EBF1: variants seen among roughly 807,000 people sequenced by gnomAD.
EBF1 encodes the protein EBF transcription factor 1.
In EBF1, 10 loss-of-function variants were observed where a neutral mutation model predicts 68.4. That is an observed-to-expected ratio of 0.15 (90% CI 0.09 to 0.25). The LOEUF (loss-of-function observed/expected upper bound fraction) is 0.25. Among genes scored for constraint, EBF1 ranks in the 10% least tolerant of loss-of-function variants. The pLI, the probability that EBF1 is intolerant of heterozygous loss-of-function variation, is 1.00. For missense variants in EBF1, 509 were observed against 794.4 expected, an observed-to-expected ratio of 0.64 and a Z score of 4.32; for synonymous variants, 298 against 299.8, an observed-to-expected ratio of 0.99 and a Z score of 0.06.
At chr5:159,047,334 CT>C (rs1160300970) in intron 6 of EBF1, among the ~76,000 whole-genome samples, 13 of 152,218 alleles carry the variant, frequency 8.5e-5, no homozygotes, top group Non-Finnish European at 1.8e-4. Flanking sequence ...GAGTTAAAGG[CT>C]ACAGAATGTC....
chr5:158,997,828 C>T (rs1052249559), intron 6 of EBF1, among the ~76,000 whole-genome samples: 2 of 152,192 alleles, frequency 1.3e-5, no homozygotes, highest in African/African-American at 2.4e-5. Context: ...CTTACCTCAA[C>T]GCTCATGTTC....
intron 6 of EBF1, among the ~76,000 whole-genome samples, chr5:158,857,610 A>T (rs1302384041): frequency 6.6e-6 from 1 of 152,192 alleles, no homozygotes; most frequent in African/African-American, 2.4e-5. Flanking sequence ...AAGTAAGTGT[A>T]AGTGCTTTCG....
At chr5:158,832,555 T>C (rs549953471) in intron 7 of EBF1, among the ~76,000 whole-genome samples, 3 of 152,344 alleles carry the variant, frequency 2.0e-5, no homozygotes, top group Admixed American at 1.3e-4. Flanking sequence ...AATTGCAAGA[T>C]GTGCTATTTG....
intron 4 of EBF1, among the ~76,000 whole-genome samples, chr5:159,092,545 G>T (rs1157307058): frequency 6.6e-6 from 1 of 152,156 alleles, no homozygotes; most frequent in Non-Finnish European, 1.5e-5. Flanking sequence ...ACACATCTTG[G>T]TTGATTGAGT....
intron 6 of EBF1, among the ~76,000 whole-genome samples, chr5:159,049,497 G>A (rs953367175): frequency 6.6e-6 from 1 of 152,138 alleles, no homozygotes; most frequent in Non-Finnish European, 1.5e-5. Context: ...CACTATGAAA[G>A]GAAAAACTCA....
At chr5:158,793,834 T>C (rs937520931) in intron 9 of EBF1, among the ~76,000 whole-genome samples, 2 of 152,162 alleles carry the variant, frequency 1.3e-5, no homozygotes, top group African/African-American at 4.8e-5. Context: ...AGTATCAAAT[T>C]CTCTCCCTGC....
At chr5:158,969,493 G>T (rs987248027) in intron 6 of EBF1, among the ~76,000 whole-genome samples, 4 of 151,436 alleles carry the variant, frequency 2.6e-5, no homozygotes, top group Non-Finnish European at 4.4e-5. Flanking sequence ...GCCGGGGGCT[G>T]TGGCTCATGC....
chr5:159,053,380 C>T (rs771712360), intron 6 of EBF1, among the ~76,000 whole-genome samples: 17 of 152,158 alleles, frequency 1.1e-4, no homozygotes, highest in Non-Finnish European at 2.4e-4. Flanking sequence ...ATGACAATAA[C>T]ACATAGAACA....
At chr5:158,916,790 T>A (rs146939961) in intron 6 of EBF1, among the ~76,000 whole-genome samples, 177 of 152,266 alleles carry the variant, frequency 1.2e-3, no homozygotes, top group African/African-American at 4.0e-3. Flanking sequence ...ATTTCCTTAC[T>A]CTGGACCACC....
At chr5:158,793,728 T>G (rs1166764233) in intron 9 of EBF1, among the ~76,000 whole-genome samples, 1 of 152,166 alleles carries the variant, frequency 6.6e-6, no homozygotes, top group Admixed American at 6.5e-5. Flanking sequence ...AGGCTTAAAG[T>G]AATACCCATA....
At chr5:158,963,922 C>A (rs1369086745) in intron 6 of EBF1, among the ~76,000 whole-genome samples, 1 of 152,106 alleles carries the variant, frequency 6.6e-6, no homozygotes, top group African/African-American at 2.4e-5. Context: ...TGCACCCTGC[C>A]CTCAAGGAGC....
chr5:158,945,473 A>T (rs1814447802), intron 6 of EBF1, among the ~76,000 whole-genome samples: 2 of 152,138 alleles, frequency 1.3e-5, no homozygotes, highest in South Asian at 4.1e-4. Flanking sequence ...CGAGTTGAAA[A>T]TTCTTTAAGA....
chr5:159,054,440 C>T (rs935972354), intron 6 of EBF1, among the ~76,000 whole-genome samples: 13 of 152,248 alleles, frequency 8.5e-5, no homozygotes, highest in Middle Eastern at 3.4e-3. Context: ...GGTTCCCATC[C>T]TGGACAAAGT....
chr5:158,820,034 G>A (rs17056265), intron 8 of EBF1, among the ~76,000 whole-genome samples: 2,147 of 152,192 alleles, frequency 0.014, 57 homozygotes, highest in African/African-American at 0.049. Flanking sequence ...TGAATGTAAA[G>A]CACGATCTCT....
At chr5:158,753,537 GA>G (rs1193417237) in intron 10 of EBF1, among the ~76,000 whole-genome samples, 1 of 152,050 alleles carries the variant, frequency 6.6e-6, no homozygotes, top group Non-Finnish European at 1.5e-5. Flanking sequence ...GGAACCCCAT[GA>G]AGTGTCTCGA....
At chr5:158,930,466 C>A (rs1328404754) in intron 6 of EBF1, among the ~76,000 whole-genome samples, 1 of 152,152 alleles carries the variant, frequency 6.6e-6, no homozygotes, top group Non-Finnish European at 1.5e-5. Flanking sequence ...ACTGAGCTGC[C>A]CACCTTCCCA....
chr5:158,848,920 T>G (rs991523158), intron 6 of EBF1, among the ~76,000 whole-genome samples: 1 of 152,178 alleles, frequency 6.6e-6, no homozygotes, highest in African/African-American at 2.4e-5. Context: ...ATGCTCAACT[T>G]ATGATTCAAG....
At chr5:158,731,602 T>C (rs1018803890) in intron 10 of EBF1, among the ~76,000 whole-genome samples, 6 of 152,298 alleles carry the variant, frequency 3.9e-5, no homozygotes, top group Non-Finnish European at 8.8e-5. Flanking sequence ...GCTGATACAA[T>C]ATCTCAGCAC....
At position 158,740,738 on chromosome 5, in the gene EBF1, T is replaced by C. The variant is rs141717762; in HGVS notation, c.1037-9581A>G. Among the ~76,000 whole-genome samples, 18 of 152,348 alleles carry C rather than the reference T, an allele frequency of 1.2e-4. No individual in the cohort carries two copies. In the East Asian group the frequency reaches 3.3e-3, roughly 28 times the overall value. The stretch of plus-strand genomic sequence containing the variant: ...ATTTAAAAATAAATGAAGTCAGGCT[T>C]CTTCAGTATTGACCTAACCTAAATG... On this transcript the variant is annotated intron_variant, in intron 10 of 15. Transcript: ENST00000313708.
Sources: allele counts gnomAD v4.1 joint callset (sites outside exome capture counted in the v4.1 genomes callset), GRCh38; gene constraint gnomAD v4.1.1; transcripts MANE v1.5; gene names NCBI Gene and HGNC (gene_info 2026-07-23, HGNC 2026-07-21).